SORCS1: variants seen among roughly 807,000 people sequenced by gnomAD.
The protein encoded by SORCS1 is VPS10 domain-containing receptor SorCS1.
In SORCS1, 60 loss-of-function variants were observed where a neutral mutation model predicts 146.1. That is an observed-to-expected ratio of 0.41 (90% CI 0.33 to 0.51). The LOEUF (loss-of-function observed/expected upper bound fraction) is 0.51. Ranked by LOEUF, SORCS1 falls within the 20% of genes least tolerant of loss-of-function variation. The pLI is 0.21. For missense variants in SORCS1, 1,352 were observed against 1,487.6 expected, an observed-to-expected ratio of 0.91 and a Z score of 1.50; for synonymous variants, 637 against 584.0, an observed-to-expected ratio of 1.09 and a Z score of -1.31.
rs1299683193 is a variant in SORCS1, at chr10:106,597,445, T to C, written c.3171A>G (p.Ser1057=). The change falls in exon 24 of 26, where the codon TCA becomes TCG. Residue 1057 remains serine (S), a synonymous_variant. Coordinates refer to ENST00000263054, the MANE Select transcript of SORCS1 (RefSeq NM_052918.5). The part of the protein sequence containing the change: ...KRSTDDLEQI[S]ELLIHTLNQN... ...GGTTGAGCGTGTGGATCAGCAATTC[T>C]GATATCTGAAAAAAGAAGCATAGTT... 7.4e-6 allele frequency: 12 copies of C among 1,613,266 alleles called. No individual in the cohort carries two copies. The Admixed American group carries it at 1.2e-4, about 16-fold the overall frequency.
intron 2 of SORCS1, among the ~76,000 whole-genome samples, chr10:106,953,381 G>A (rs1195421744): frequency 1.3e-5 from 2 of 152,014 alleles, no homozygotes; most frequent in Non-Finnish European, 2.9e-5. Context: ...TAAATATTAT[G>A]TAAATAATTG....
At chr10:106,875,139 G>C (rs1950550110) in intron 2 of SORCS1, among the ~76,000 whole-genome samples, 1 of 152,006 alleles carries the variant, frequency 6.6e-6, no homozygotes, top group African/African-American at 2.4e-5. Context: ...TGAGTCTCCA[G>C]AGTCCATTTT....
intron 1 of SORCS1, among the ~76,000 whole-genome samples, chr10:106,964,768 G>A (rs1955422352): frequency 6.6e-6 from 1 of 151,902 alleles, no homozygotes; most frequent in Non-Finnish European, 1.5e-5. Context: ...TTACAGGCAT[G>A]AGCCACTGCA....
intron 1 of SORCS1, among the ~76,000 whole-genome samples, chr10:107,104,031 A>G (rs376045219): frequency 1.2e-4 from 19 of 152,358 alleles, no homozygotes; most frequent in African/African-American, 4.1e-4. Flanking sequence ...GACACAAATG[A>G]TAGAAACCCA....
intron 2 of SORCS1, among the ~76,000 whole-genome samples, chr10:106,910,283 T>TTTTGTGTGTGTGTG (rs1554881257): frequency 2.1e-5 from 3 of 146,036 alleles, no homozygotes; most frequent in African/African-American, 7.6e-5. Context: ...TCTCTTTACA[T>TTTTGTGTGTGTGTG]TGTGTGTGTG....
Position 107,164,442 on chromosome 10 carries a change from G to C in SORCS1, c.85C>G (p.Pro29Ala). Residue 29 changes from proline to alanine, a missense_variant, in exon 1 of 26, where the codon CCG becomes GCG. Physicochemically the swap from Pro to Ala is conservative, Grantham distance 27. Coordinates refer to ENST00000263054, the MANE Select transcript of SORCS1 (RefSeq NM_052918.5). The surrounding 1 kb of genome is among the most constrained non-coding windows in gnomAD (Gnocchi z 6.8). Reference sequence around the variant, plus strand: ...CAGGAGCCGCCGCCGCAGACGCCCGGGGCGCAGAGGATCAAGAGCCCCGCG... The same window carrying C: ...CAGGAGCCGCCGCCGCAGACGCCCGCGGCGCAGAGGATCAAGAGCCCCGCG... Reference protein sequence around the residue: ...AGAGLLILCAPGVCGGGSCCP... With the variant: ...AGAGLLILCAAGVCGGGSCCP... 2.1e-6 allele frequency: 3 copies of C among 1,406,744 alleles called. No homozygotes were observed. The highest frequency in any genetic ancestry group is 2.7e-5 in the East Asian group (1 of 36,902). 87.1% of individuals were successfully genotyped at this position (1,406,744 alleles called of 1,614,324 possible). A position where few individuals can be genotyped will look rare whatever the true frequency, so the allele number is the denominator to read the frequency against.
intron 2 of SORCS1, among the ~76,000 whole-genome samples, chr10:106,905,487 A>T (rs1425381927): frequency 6.6e-6 from 1 of 152,232 alleles, no homozygotes; most frequent in African/African-American, 2.4e-5. Flanking sequence ...TTGTCCCATA[A>T]TTAGAAAACT....
rs372490026 is a variant in SORCS1 at position 106,842,495 on chromosome 10, A to T, written c.627-12822T>A. ...GTGATCTGCCCACCTCAGCCTCCCAAAGTGCTGGAATTACAGGCGTGAGCC... is the reference window on the plus strand; with the variant it reads ...GTGATCTGCCCACCTCAGCCTCCCATAGTGCTGGAATTACAGGCGTGAGCC... On this transcript the variant is annotated intron_variant, in intron 2 of 25. Transcript: ENST00000263054. Among the ~76,000 whole-genome samples, 170 of 152,154 alleles carry T rather than the reference A, an allele frequency of 1.1e-3. 2 individuals are homozygous for T. The highest frequency in any genetic ancestry group is 1.4e-3 in the East Asian group (7 of 5,162).
Position 106,969,494 on chromosome 10 carries a change from T to C in SORCS1, c.559-12914A>G, listed in dbSNP as rs113316262. Among the ~76,000 whole-genome samples the C allele has an allele frequency of 4.2e-3, 641 of 152,314 alleles. 4 individuals are homozygous for C. The highest frequency in any genetic ancestry group is 0.014 in the African/African-American group (576 of 41,556). ...GGACTGGATTGGGCCAGTTCTGAGA[T>C]GGAAGAGTTGAAAGAAGTAGATCTA... On this transcript the variant is annotated intron_variant, in intron 1 of 25. Transcript: ENST00000263054.
intron 1 of SORCS1, among the ~76,000 whole-genome samples, chr10:107,153,786 T>G (rs1186062705): frequency 6.6e-6 from 1 of 152,168 alleles, no homozygotes; most frequent in Non-Finnish European, 1.5e-5. Flanking sequence ...TAAAATAACT[T>G]TTAAAAATAA....
rs11461091 is a variant in SORCS1 at position 106,960,411 on chromosome 10, CTT to C, written c.559-3833_559-3832del. Among the ~76,000 whole-genome samples, 3 of 145,452 alleles carry C rather than the reference CTT, an allele frequency of 2.1e-5. No individual in the cohort carries two copies. The highest frequency in any genetic ancestry group is 2.5e-5 in the African/African-American group (1 of 39,788). On this transcript the variant is annotated intron_variant, in intron 1 of 25. Coordinates refer to ENST00000263054, the MANE Select transcript of SORCS1 (RefSeq NM_052918.5). The surrounding 1 kb of genome is among the most constrained non-coding windows in gnomAD (Gnocchi z 4.4). ...CCATACGTTTTCTCTTTTTCTTTTT[CTT>C]TTTTTTTTTTGAGATGGAATCTCGC... is the stretch of plus-strand genomic sequence containing the variant.
intron 1 of SORCS1, among the ~76,000 whole-genome samples, chr10:107,034,040 G>C (rs1254189194): frequency 1.3e-5 from 2 of 152,190 alleles, no homozygotes; most frequent in African/African-American, 4.8e-5. Flanking sequence ...TGGGAAAACT[G>C]TTAATCAGCA....
At chr10:106,797,844 G>C (rs1463471632) in intron 3 of SORCS1, among the ~76,000 whole-genome samples, 1 of 152,140 alleles carries the variant, frequency 6.6e-6, no homozygotes, top group Non-Finnish European at 1.5e-5. Context: ...GCACACAGAT[G>C]TAAAAAGTAA....
intron 4 of SORCS1, among the ~76,000 whole-genome samples, chr10:106,771,397 A>C (rs1164057150): frequency 6.6e-6 from 1 of 152,188 alleles, no homozygotes; most frequent in Non-Finnish European, 1.5e-5. Context: ...ATAAAGATGT[A>C]ATCTGGCAGG....
chr10:107,138,697 C>A (rs1379817487), intron 1 of SORCS1, among the ~76,000 whole-genome samples: 1 of 152,150 alleles, frequency 6.6e-6, no homozygotes, highest in African/African-American at 2.4e-5. Context: ...CATAAGTGCA[C>A]TTCATGTGTA....
intron 24 of SORCS1, among the ~76,000 whole-genome samples, chr10:106,586,177 C>T (rs937623534): frequency 5.9e-5 from 9 of 152,040 alleles, no homozygotes; most frequent in Non-Finnish European, 1.2e-4. Context: ...GTCTTCTATC[C>T]CCACTCTCAG....
At chr10:107,161,397 G>C (rs1590276865) in intron 1 of SORCS1, among the ~76,000 whole-genome samples, 1 of 152,162 alleles carries the variant, frequency 6.6e-6, no homozygotes, top group East Asian at 1.9e-4. Flanking sequence ...AGTCCCCCAT[G>C]CCCCTCCACC....
intron 3 of SORCS1, among the ~76,000 whole-genome samples, chr10:106,778,010 G>C (rs1203813469): frequency 6.6e-6 from 1 of 152,154 alleles, no homozygotes; most frequent in African/African-American, 2.4e-5. Context: ...GAGGGGAATA[G>C]AATCATATCT....
At chr10:107,049,192 C>G (rs1307561309) in intron 1 of SORCS1, among the ~76,000 whole-genome samples, 1 of 145,694 alleles carries the variant, frequency 6.9e-6, no homozygotes, top group East Asian at 2.1e-4. Context: ...CGCATGTTCT[C>G]ACTCATAGGT....
Sources: allele counts gnomAD v4.1 joint callset (sites outside exome capture counted in the v4.1 genomes callset), GRCh38; gene constraint gnomAD v4.1.1; non-coding constraint Gnocchi (gnomAD v3.1); transcripts MANE v1.5; gene names NCBI Gene and HGNC (gene_info 2026-07-23, HGNC 2026-07-21).